Variants in TP73 observed in about 807,000 individuals in gnomAD.
The protein encoded by TP73 is tumor protein p73.
TP73 carries 25 observed loss-of-function variants against 62.5 expected under a neutral mutation model. The ratio of observed to expected loss-of-function variants is 0.40; its 90% CI spans 0.29 to 0.56. The LOEUF is 0.56. Among genes scored for constraint, TP73 ranks in the 20% least tolerant of loss-of-function variants. TP73 has a pLI of 0.46. For missense variants in TP73, 754 were observed against 913.3 expected (o/e 0.83, Z 2.25); for synonymous variants, 423 against 377.5 (o/e 1.12, Z -1.40).
In TP73 at chr1:3,708,158, GT is replaced by G. The variant is rs547927196; in HGVS notation, c.429+368del. 397 of 317,504 alleles carry G rather than the reference GT, an allele frequency of 1.3e-3. 1 individual carries two copies. Among genetic ancestry groups the G allele is most frequent in the African/African-American group, 7.9e-3 (375 of 47,680 alleles). The allele number at this position is 317,504 out of a possible 1,614,324, so 19.7% of individuals were successfully genotyped here. ...GGCACGGGCTCTGCTGCCAAGAGTTGTCTGTCCGAGACAGGCCCACAGCCCT... is the reference window on the plus strand; with the variant it reads ...GGCACGGGCTCTGCTGCCAAGAGTTGCTGTCCGAGACAGGCCCACAGCCCT... On this transcript the variant is annotated intron_variant, in intron 4 of 13. Coordinates refer to ENST00000378295, the MANE Select transcript of TP73 (RefSeq NM_005427.4).
At position 3,722,088 on chromosome 1, in the gene TP73, C is replaced by A. The variant is rs1376434868; in HGVS notation, c.497C>A (p.Ser166Tyr). The change falls in exon 5 of 14, where the codon TCC (serine) becomes TAC (tyrosine). Residue 166 changes from serine (S) to tyrosine (Y), a missense_variant. Physicochemically the swap from Ser to Tyr is moderately radical, Grantham distance 144 (BLOSUM62 -2). Transcript: ENST00000378295. ...AKTCPIQIKV[S>Y]TPPPPGTAIR... ...ACATGCCCCATCCAGATCAAGGTGT[C>A]CACCCCGCCACCCCCAGGCACCGCC... 1 of 1,612,960 alleles carries A rather than the reference C, an allele frequency of 6.2e-7. No individual in the cohort carries two copies. Among genetic ancestry groups the A allele is most frequent in the South Asian group, 1.1e-5 (1 of 91,082 alleles).
At chr1:3,681,935 C>A (rs148017864) in intron 1 of TP73, among the ~76,000 whole-genome samples, 1 of 151,872 alleles carries the variant, frequency 6.6e-6, no homozygotes, top group Non-Finnish European at 1.5e-5. Context: ...TCATAACAGA[C>A]CACAGGCCTC....
At chr1:3,722,830 CG>C (rs1641187794) in intron 5 of TP73, among the ~76,000 whole-genome samples, 1 of 137,996 alleles carries the variant, frequency 7.2e-6, no homozygotes, top group Admixed American at 7.2e-5. Context: ...GGCATGGGGC[CG>C]GGCACCTCTC....
rs150280219 is a variant in TP73, at chr1:3,707,770, G to T, written c.408G>T (p.Thr136=). 3.1e-6 allele frequency: 5 copies of T among 1,612,684 alleles called. No homozygotes were observed. The highest frequency in any genetic ancestry group is 1.3e-5 in the African/African-American group (1 of 74,912). Reference sequence around the variant, plus strand: ...AGGTCACTTTCCAGCAGTCCAGCACGGCCAAGTCAGCCACCTGGACGGTGA... The same window carrying T: ...AGGTCACTTTCCAGCAGTCCAGCACTGCCAAGTCAGCCACCTGGACGGTGA... ...HFEVTFQQSS[T]AKSATWTYSP... is the part of the protein sequence containing the mutation. Residue 136 remains threonine (T), a synonymous_variant, in exon 4 of 14, where the codon ACG becomes ACT. Coordinates refer to ENST00000378295, the MANE Select transcript of TP73 (RefSeq NM_005427.4).
chr1:3,729,274 C>G, intron 9 of TP73, 53 bp from the exon 10 acceptor site: 1 of 1,609,298 alleles, frequency 6.2e-7, no homozygotes, highest in African/African-American at 1.3e-5. Context: ...CGGCCACCCC[C>G]CTCCCGTGGG....
chr1:3,655,112 C>T (rs975161480), intron 1 of TP73, among the ~76,000 whole-genome samples: 53 of 152,332 alleles, frequency 3.5e-4, no homozygotes, highest in African/African-American at 1.2e-3. Context: ...TAAGGCCAGG[C>T]GCCGTGGCCC....
intron 6 of TP73, among the ~76,000 whole-genome samples, chr1:3,725,871 G>GTGGGTGGA (rs1641507262): frequency 1.2e-5 from 1 of 82,428 alleles, no homozygotes; most frequent in Non-Finnish European, 2.5e-5. Context: ...GGGTGGGTGG[G>GTGGGTGGA]TGGATGGATG....
Position 3,734,496 on chromosome 1 carries a change from G to A in TP73, c.*1417G>A. On this transcript the variant is annotated 3_prime_UTR_variant, in exon 14 of 14. Transcript: ENST00000378295. The surrounding 1 kb of genome is among the most constrained non-coding windows in gnomAD (Gnocchi z 4.4). ...AGCCGAGACACCACCCAGAGTGCAG[G>A]CTGCCTGGCCCCTTCTGGCACGGCC... is the stretch of plus-strand genomic sequence containing the variant. The A allele has an allele frequency of 6.6e-6, 1 of 152,366 alleles. No homozygotes were observed. The highest frequency in any genetic ancestry group is 1.5e-5 in the Non-Finnish European group (1 of 68,114). 9.4% of individuals were successfully genotyped at this position (152,366 alleles called of 1,614,324 possible). A position where few individuals can be genotyped will look rare whatever the true frequency, so the allele number is the denominator to read the frequency against.
intron 3 of TP73, among the ~76,000 whole-genome samples, chr1:3,693,634 A>T (rs1228230059): frequency 6.6e-6 from 1 of 152,084 alleles, no homozygotes; most frequent in African/African-American, 2.4e-5. Context: ...CTTGCTGCAG[A>T]TGGGGACGCA....
chr1:3,707,936 G>A (rs1352563884), intron 4 of TP73, 145 bp downstream of exon 4: 15 of 1,358,652 alleles, frequency 1.1e-5, no homozygotes, highest in Admixed American at 2.4e-5. Context: ...GAGGAGCATC[G>A]GGCAGGAGGC....
At chr1:3,667,765 GAAAGAAAAAAAGTAAA>G (rs1159946085) in intron 1 of TP73, among the ~76,000 whole-genome samples, 11 of 147,664 alleles carry the variant, frequency 7.4e-5, no homozygotes, top group African/African-American at 1.3e-4. Context: ...AAAAAAAAAA[GAAAGAAAAAAAGTAAA>G]AAAGAAAAAA....
chr1:3,697,619 C>T (rs775407693), intron 3 of TP73, among the ~76,000 whole-genome samples: 1 of 152,218 alleles, frequency 6.6e-6, no homozygotes, highest in Admixed American at 6.5e-5. Flanking sequence ...GGGCCGGGGT[C>T]GTGTCTCGTG....
intron 4 of TP73, among the ~76,000 whole-genome samples, chr1:3,710,652 C>T (rs1640063852): frequency 6.6e-6 from 1 of 152,270 alleles, no homozygotes; most frequent in Admixed American, 6.5e-5. Context: ...CAAGTGACCA[C>T]AGATCAGACC....
intron 1 of TP73, among the ~76,000 whole-genome samples, chr1:3,669,647 C>T (rs893454899): frequency 2.0e-5 from 3 of 152,248 alleles, no homozygotes; most frequent in South Asian, 4.1e-4. Context: ...GAGCCTCTCC[C>T]GGCAACAGCA....
chr1:3,705,974 C>T (rs1172012739), intron 3 of TP73, among the ~76,000 whole-genome samples: 6 of 152,180 alleles, frequency 3.9e-5, no homozygotes, highest in African/African-American at 9.7e-5. Context: ...GGAGTCCCGG[C>T]GAGGCCCCTG....
rs887779004 is a variant in TP73 at position 3,733,938 on chromosome 1, A to G, written c.*859A>G. The G allele has an allele frequency of 2.9e-5, 2 of 68,516 alleles. No homozygotes were observed. Among genetic ancestry groups the G allele is most frequent in the African/African-American group, 8.7e-5 (2 of 22,896 alleles). 4.2% of individuals were successfully genotyped at this position (68,516 alleles called of 1,614,324 possible). A position where few individuals can be genotyped will look rare whatever the true frequency, so the allele number is the denominator to read the frequency against. On this transcript the variant is annotated 3_prime_UTR_variant, in exon 14 of 14. Coordinates refer to ENST00000378295, the MANE Select transcript of TP73 (RefSeq NM_005427.4). The stretch of plus-strand genomic sequence containing the variant: ...GGTCAGCTTTTTTTTTTTTTTTTTT[A>G]ACTTTCTTTCTCAGCATTCTCTTTG...
At chr1:3,729,907 C>G in intron 10 of TP73, 93 bp from the exon 11 acceptor site, 1 of 1,456,124 alleles carries the variant, frequency 6.9e-7, no homozygotes, top group East Asian at 2.4e-5. Context: ...GAGGCTCCAC[C>G]CATTCGCAGC....
chr1:3,661,784 T>C (rs1008210624), intron 1 of TP73, among the ~76,000 whole-genome samples: 7 of 148,026 alleles, frequency 4.7e-5, no homozygotes, highest in Admixed American at 3.4e-4. Context: ...ATATGTATTA[T>C]ATATATACAT....
intron 3 of TP73, among the ~76,000 whole-genome samples, chr1:3,707,345 T>C (rs994484929): frequency 6.6e-6 from 1 of 152,122 alleles, no homozygotes; most frequent in Non-Finnish European, 1.5e-5. Flanking sequence ...ACCGGGAGGC[T>C]GATGGAGGGG....
Sources: allele counts gnomAD v4.1 joint callset (sites outside exome capture counted in the v4.1 genomes callset), GRCh38; gene constraint gnomAD v4.1.1; non-coding constraint Gnocchi (gnomAD v3.1); transcripts MANE v1.5; gene names NCBI Gene and HGNC (gene_info 2026-07-23, HGNC 2026-07-21).